The following GLS variants were observed in gnomAD, a reference collection of about 807,000 sequenced individuals.
The protein encoded by GLS is glutaminase.
In GLS, 36 loss-of-function variants were observed where a neutral mutation model predicts 86.7. The ratio of observed to expected loss-of-function variants is 0.42; its 90% confidence interval spans 0.32 to 0.55. The LOEUF (loss-of-function observed/expected upper bound fraction) is 0.55, where lower values mean the gene tolerates loss of function less well. Among genes scored for constraint, GLS ranks in the 20% least tolerant of loss-of-function variants. The pLI, the probability that GLS is intolerant of heterozygous loss-of-function variation, is 0.17. For missense variants in GLS, 528 were observed against 833.4 expected (o/e 0.63, Z 4.51); for synonymous variants, 317 against 305.9 (o/e 1.04, Z -0.38).
intron 1 of GLS, among the ~76,000 whole-genome samples, chr2:190,894,333 T>C (rs539563321): frequency 1.4e-5 from 2 of 141,208 alleles, no homozygotes; most frequent in East Asian, 4.0e-4. Context: ...TCTTATACTA[T>C]CTTTTGAATG....
chr2:190,908,581 T>G (rs544977531), intron 6 of GLS, among the ~76,000 whole-genome samples: 21 of 152,346 alleles, frequency 1.4e-4, no homozygotes, highest in Admixed American at 6.5e-4. Flanking sequence ...GTAGGTTATT[T>G]CTGCCATTCA....
intron 3 of GLS, among the ~76,000 whole-genome samples, chr2:190,899,785 G>A (rs1688874808): frequency 6.6e-6 from 1 of 152,060 alleles, no homozygotes; most frequent in Non-Finnish European, 1.5e-5. Context: ...TTAGCAAAAA[G>A]CAGAATACAG....
At position 190,905,219 on chromosome 2, in the gene GLS, G is replaced by A; in HGVS notation, c.979+52G>A. ...AAAAAGAAATGTCTCATTTTCCTAT[G>A]TAAATCTAAGTCGTTTTAAACATTT... On this transcript the variant is annotated intron_variant, in intron 6 of 17. Coordinates refer to ENST00000320717, the MANE Select transcript of GLS (RefSeq NM_014905.5). This position sits in a 1 kb window ranked among gnomAD's most constrained non-coding sequence, Gnocchi z 4.6. 2 of 1,085,768 alleles carry A rather than the reference G, an allele frequency of 1.8e-6. No homozygotes were observed. The highest frequency in any genetic ancestry group is 2.7e-6 in the Non-Finnish European group (2 of 736,082). 67.3% of individuals were successfully genotyped at this position (1,085,768 alleles called of 1,614,324 possible). A position where few individuals can be genotyped will look rare whatever the true frequency, so the allele number is the denominator to read the frequency against.
Position 190,958,631 on chromosome 2 carries a change from T to C in GLS, c.1853+3813T>C, listed in dbSNP as rs1006779300. 5.3e-5 allele frequency among the ~76,000 whole-genome samples: 8 copies of C among 152,230 alleles called. No homozygotes were observed. The South Asian group carries it at 1.0e-3, about 20-fold the overall frequency. ...CTGGTACGTTTTGTCTTTTGTCTTATTAGTTTCAAAGAACTTATTTATTTC... is the reference window on the plus strand; with the variant it reads ...CTGGTACGTTTTGTCTTTTGTCTTACTAGTTTCAAAGAACTTATTTATTTC... On this transcript the variant is annotated intron_variant, in intron 17 of 17. Transcript: ENST00000320717.
intron 12 of GLS, 167 bp downstream of exon 12, chr2:190,927,649 T>C (rs1689943404): frequency 9.3e-6 from 5 of 538,834 alleles, no homozygotes; most frequent in Non-Finnish European, 1.6e-5. Context: ...AGAGATAAGG[T>C]CTACCAGATG....
intron 7 of GLS, among the ~76,000 whole-genome samples, chr2:190,916,044 G>T (rs1689520286): frequency 6.6e-6 from 1 of 152,098 alleles, no homozygotes; most frequent in Non-Finnish European, 1.5e-5. Flanking sequence ...TCTATTATAA[G>T]CAATTCACAC....
rs1232927842 is a variant in GLS, at chr2:190,913,681, A to C, written c.1038+3360A>C. 4.1e-6 allele frequency: 4 copies of C among 973,660 alleles called. No homozygotes were observed. In the East Asian group the frequency reaches 4.6e-4, roughly 111 times the overall value. 60.3% of individuals were successfully genotyped at this position (973,660 alleles called of 1,614,324 possible). ...AAAAGTTAAGATCTGGTGATAACTT[A>C]AGGGTTAGGATAGGAAAATGAGGAC... On this transcript the variant is annotated intron_variant, in intron 7 of 17. Coordinates refer to ENST00000320717, the MANE Select transcript of GLS (RefSeq NM_014905.5). The surrounding 1 kb of genome is among the most constrained non-coding windows in gnomAD (Gnocchi z 6.1).
chr2:190,945,478 T>C (rs953641159), intron 14 of GLS, among the ~76,000 whole-genome samples: 4 of 151,746 alleles, frequency 2.6e-5, no homozygotes, highest in Admixed American at 1.3e-4. Flanking sequence ...CTGGGCAACA[T>C]AGTGAGACCC....
chr2:190,922,202 C>T (rs946623445), intron 9 of GLS, among the ~76,000 whole-genome samples: 8 of 152,128 alleles, frequency 5.3e-5, no homozygotes, highest in Non-Finnish European at 4.4e-5. Context: ...TTTATAAAAA[C>T]AGGCAGCAGG....
In GLS at chr2:190,930,604, C is replaced by G; in HGVS notation, c.1557+36C>G. On this transcript the variant is annotated intron_variant, in intron 13 of 17. Coordinates refer to ENST00000320717, the MANE Select transcript of GLS (RefSeq NM_014905.5). This position sits in a 1 kb window ranked among gnomAD's most constrained non-coding sequence, Gnocchi z 5.0. ...TTTCTTAATGTAAATAATGGTGTTA[C>G]AAGTTGAGCCATCCAATGATTCTTT... 6.4e-7 allele frequency: 1 copy of G among 1,569,030 alleles called. No individual in the cohort carries two copies. Among genetic ancestry groups the G allele is most frequent in the Non-Finnish European group, 8.7e-7 (1 of 1,152,722 alleles).
intron 4 of GLS, 45 bp downstream of exon 4, chr2:190,900,738 A>T: frequency 1.3e-6 from 2 of 1,512,316 alleles, no homozygotes; most frequent in Admixed American, 1.7e-5. Context: ...ATCACTTAAT[A>T]AATTCAGCTT....
intron 11 of GLS, among the ~76,000 whole-genome samples, chr2:190,926,342 A>AT (rs1222753076): frequency 1.3e-5 from 2 of 152,220 alleles, no homozygotes; most frequent in East Asian, 1.9e-4. Flanking sequence ...TAGGGAAGAG[A>AT]TTTTTTATAT....
At chr2:190,886,057 A>G (rs1050530952) in intron 1 of GLS, among the ~76,000 whole-genome samples, 2 of 151,942 alleles carry the variant, frequency 1.3e-5, no homozygotes, top group African/African-American at 4.8e-5. Context: ...TATTTTTAGT[A>G]AGATGGGAAT....
In GLS at chr2:190,949,757, T is replaced by C. The variant is rs1000583313; in HGVS notation, c.1651-3808T>C. Among the ~76,000 whole-genome samples, 3 of 152,062 alleles carry C rather than the reference T, an allele frequency of 2.0e-5. No homozygotes were observed. Among genetic ancestry groups the C allele is most frequent in the African/African-American group, 7.2e-5 (3 of 41,410 alleles). On this transcript the variant is annotated intron_variant, in intron 14 of 17. Transcript: ENST00000320717. The surrounding 1 kb of genome is among the most constrained non-coding windows in gnomAD (Gnocchi z 4.0). ...TAATTTTGCAATTTAATACCCAAAA[T>C]TGAATATTTGATGCCTTGAGGGAGA...
intron 14 of GLS, among the ~76,000 whole-genome samples, chr2:190,944,962 T>G (rs1393328970): frequency 1.3e-5 from 2 of 152,206 alleles, no homozygotes; most frequent in Non-Finnish European, 2.9e-5. Context: ...TTCTATAAAT[T>G]GTTTCTTTGT....
Position 190,955,886 on chromosome 2 carries a change from AT to A in GLS, c.1853+1075del, listed in dbSNP as rs1360901290. Among the ~76,000 whole-genome samples the A allele has an allele frequency of 6.6e-6, 1 of 151,966 alleles. No homozygotes were observed. The highest frequency in any genetic ancestry group is 2.4e-5 in the African/African-American group (1 of 41,348). On this transcript the variant is annotated intron_variant, in intron 17 of 17. Coordinates refer to ENST00000320717, the MANE Select transcript of GLS (RefSeq NM_014905.5). The surrounding 1 kb of genome is among the most constrained non-coding windows in gnomAD (Gnocchi z 5.6). ...TTCTCTAATGACCAGTGATGATGAT[AT>A]TTTTTTCACATGTTTGTTGGCTGCA...
Position 190,913,474 on chromosome 2 carries a change from C to A in GLS, c.1038+3153C>A. 2 of 969,134 alleles carry A rather than the reference C, an allele frequency of 2.1e-6. No homozygotes were observed. The highest frequency in any genetic ancestry group is 2.5e-6 in the Non-Finnish European group (2 of 801,420). The allele number at this position is 969,134 out of a possible 1,614,324, so 60.0% of individuals were successfully genotyped here. On this transcript the variant is annotated intron_variant, in intron 7 of 17. Transcript: ENST00000320717. This position sits in a 1 kb window ranked among gnomAD's most constrained non-coding sequence, Gnocchi z 6.1. ...TCTTTTTCTCTGTGGTAGCTACTAA[C>A]TTTAAAGGAATACTTTTTGTTGTAA...
Position 190,926,024 on chromosome 2 carries a change from A to G in GLS, c.1249-1282A>G, listed in dbSNP as rs191538998. 4.7e-4 allele frequency among the ~76,000 whole-genome samples: 72 copies of G among 152,240 alleles called. No homozygotes were observed. In the East Asian group the frequency reaches 6.0e-3, roughly 13 times the overall value. ...TTTAAATTTGGCTGTTATAGAATCT[A>G]CTGTAATGTGACATTTCTATACTTC... On this transcript the variant is annotated intron_variant, in intron 11 of 17. Coordinates refer to ENST00000320717, the MANE Select transcript of GLS (RefSeq NM_014905.5).
chr2:190,960,931 G>A (rs1373809379), intron 17 of GLS, among the ~76,000 whole-genome samples: 1 of 152,050 alleles, frequency 6.6e-6, no homozygotes, highest in Admixed American at 6.6e-5. Context: ...CCCACCCCAG[G>A]TTTCTAAAGC....
Sources: allele counts gnomAD v4.1 joint callset (sites outside exome capture counted in the v4.1 genomes callset), GRCh38; gene constraint gnomAD v4.1.1; non-coding constraint Gnocchi (gnomAD v3.1); transcripts MANE v1.5; gene names NCBI Gene and HGNC (gene_info 2026-07-23, HGNC 2026-07-21).